Variants in PPP4R4 observed in about 807,000 individuals in gnomAD.
PPP4R4 encodes protein phosphatase 4 regulatory subunit 4.
In PPP4R4, 70 loss-of-function variants were observed where a neutral mutation model predicts 121.8. The observed-to-expected ratio is 0.57, with a 90% CI of 0.47 to 0.70. The LOEUF (loss-of-function observed/expected upper bound fraction) is 0.70, where lower values mean the gene tolerates loss of function less well. Ranked by LOEUF, PPP4R4 falls within the 30% of genes least tolerant of loss-of-function variation. The pLI, the probability that PPP4R4 is intolerant of heterozygous loss-of-function variation, is 0.00. For missense variants in PPP4R4, 875 were observed against 1,033.6 expected (o/e 0.85, Z 2.10); for synonymous variants, 348 against 355.7 (o/e 0.98, Z 0.24).
rs147765941 is a variant in PPP4R4, at chr14:94,265,823, C to G, written c.2314C>G (p.Arg772Gly). Residue 772 changes from arginine (R) to glycine (G), a missense_variant, in exon 22 of 25, where the codon CGA (arginine) becomes GGA (glycine). Arg to Gly is a moderately radical substitution (Grantham distance 125, BLOSUM62 -2). Coordinates refer to ENST00000304338, the MANE Select transcript of PPP4R4 (RefSeq NM_058237.2). ...SKEIKKSKLI[R>G]SQSFNNQAFH... ...AGAAATCAAGAAATCCAAACTGATT[C>G]GAAGCCAGTCTTTTAATAATCAAGC... is the stretch of plus-strand genomic sequence containing the variant. 13 of 1,608,576 alleles carry G rather than the reference C, an allele frequency of 8.1e-6. No homozygotes were observed. Among genetic ancestry groups the G allele is most frequent in the Non-Finnish European group, 1.1e-5 (13 of 1,176,478 alleles).
At chr14:94,207,851 A>C (rs1269954310) in intron 2 of PPP4R4, among the ~76,000 whole-genome samples, 1 of 151,888 alleles carries the variant, frequency 6.6e-6, no homozygotes, top group Non-Finnish European at 1.5e-5. Flanking sequence ...AGGCCACTAG[A>C]GTATTGCTGA....
intron 2 of PPP4R4, among the ~76,000 whole-genome samples, chr14:94,198,261 G>A (rs1156671840): frequency 2.0e-5 from 3 of 152,098 alleles, no homozygotes; most frequent in Non-Finnish European, 4.4e-5. Flanking sequence ...CATTGTGGTT[G>A]TAATGTAATT....
At chr14:94,261,835 A>G (rs950398945) in intron 19 of PPP4R4, among the ~76,000 whole-genome samples, 1 of 151,958 alleles carries the variant, frequency 6.6e-6, no homozygotes, top group Non-Finnish European at 1.5e-5. Context: ...CTGCTAATAT[A>G]CTGAATTACA....
intron 2 of PPP4R4, 113 bp downstream of exon 2, chr14:94,176,240 C>T: frequency 1.1e-6 from 1 of 886,680 alleles, no homozygotes; most frequent in Non-Finnish European, 1.9e-6. Flanking sequence ...GCCACTTGAA[C>T]AGAGTACTTT....
At chr14:94,218,454 C>G (rs1891166499) in intron 3 of PPP4R4, among the ~76,000 whole-genome samples, 1 of 114,774 alleles carries the variant, frequency 8.7e-6, no homozygotes, top group Non-Finnish European at 1.7e-5. Context: ...ACCCTCACCC[C>G]TAGACACCGC....
intron 2 of PPP4R4, among the ~76,000 whole-genome samples, chr14:94,202,325 C>A (rs920672213): frequency 6.6e-6 from 1 of 151,958 alleles, no homozygotes; most frequent in Non-Finnish European, 1.5e-5. Context: ...AGATACGAAT[C>A]TAAGAAAATG....
intron 23 of PPP4R4, among the ~76,000 whole-genome samples, chr14:94,270,917 CA>C (rs201555650): frequency 8.9e-5 from 12 of 135,452 alleles, no homozygotes; most frequent in South Asian, 2.4e-4. Context: ...GACTCCATCT[CA>C]AAAAAAAAAA....
chr14:94,180,913 AAAC>A (rs1429387492), intron 2 of PPP4R4, among the ~76,000 whole-genome samples: 1 of 152,140 alleles, frequency 6.6e-6, no homozygotes, highest in Admixed American at 6.5e-5. Flanking sequence ...CAGTGGAAAT[AAAC>A]AAGTGTTGTA....
Position 94,278,921 on chromosome 14 carries a change from A to G in PPP4R4, c.*278A>G, listed in dbSNP as rs1894790170. The G allele has an allele frequency of 4.4e-6, 1 of 226,530 alleles. No individual in the cohort carries two copies. The highest frequency in any genetic ancestry group is 2.3e-5 in the African/African-American group (1 of 44,116). The allele number at this position is 226,530 out of a possible 1,614,324, so 14.0% of individuals were successfully genotyped here. On this transcript the variant is annotated 3_prime_UTR_variant, in exon 25 of 25. Coordinates refer to ENST00000304338, the MANE Select transcript of PPP4R4 (RefSeq NM_058237.2). ...AGTGTAATGAAAAACATCTCTAGGA[A>G]TGTGCTTTAACCACTGCTGCAAAAG... is the stretch of plus-strand genomic sequence containing the variant.
chr14:94,231,337 ATAC>A (rs1395445743), intron 5 of PPP4R4, 22 bp downstream of exon 5: 1 of 1,567,284 alleles, frequency 6.4e-7, no homozygotes, highest in East Asian at 2.2e-5. Context: ...ATGGGGGCAA[ATAC>A]TAATAAGTAA....
Position 94,244,439 on chromosome 14 carries a change from C to T in PPP4R4, c.1267-196C>T, listed in dbSNP as rs181845781. On this transcript the variant is annotated intron_variant, in intron 11 of 24. Coordinates refer to ENST00000304338, the MANE Select transcript of PPP4R4 (RefSeq NM_058237.2). The stretch of plus-strand genomic sequence containing the variant: ...TCACCCCATGTGTGTCTGCACATTC[C>T]AGCATGTCACGAGGCAGACTAGAAA... Among the ~76,000 whole-genome samples, 250 of 152,260 alleles carry T rather than the reference C, an allele frequency of 1.6e-3. 1 individual carries two copies. Among genetic ancestry groups the T allele is most frequent in the African/African-American group, 5.6e-3 (232 of 41,568 alleles).
chr14:94,266,402 A>G (rs895777359), intron 22 of PPP4R4, among the ~76,000 whole-genome samples: 1 of 152,164 alleles, frequency 6.6e-6, no homozygotes, highest in African/African-American at 2.4e-5. Flanking sequence ...GAATCAATAT[A>G]AGTTAAATTA....
At chr14:94,221,367 A>T (rs1206853085) in intron 3 of PPP4R4, among the ~76,000 whole-genome samples, 1 of 152,140 alleles carries the variant, frequency 6.6e-6, no homozygotes, top group Non-Finnish European at 1.5e-5. Context: ...AATTTGATAA[A>T]TTAGATCTGT....
intron 19 of PPP4R4, among the ~76,000 whole-genome samples, chr14:94,263,240 AC>A (rs969244872): frequency 6.6e-6 from 1 of 152,004 alleles, no homozygotes; most frequent in African/African-American, 2.4e-5. Flanking sequence ...TTTCTGGGTC[AC>A]CAGTTGCACA....
rs188996857 is a variant in PPP4R4, at chr14:94,174,846, C to T, written c.117+264C>T. ...ACGGGTCCCTGCCCCAGCCCCGGACCGGCGCCAGCCCCGCGGCCCTTGCCC... is the reference window on the plus strand; with the variant it reads ...ACGGGTCCCTGCCCCAGCCCCGGACTGGCGCCAGCCCCGCGGCCCTTGCCC... On this transcript the variant is annotated intron_variant, in intron 1 of 24. Transcript: ENST00000304338. 6.4e-3 allele frequency among the ~76,000 whole-genome samples: 971 copies of T among 151,906 alleles called. 18 individuals carry two copies. Among genetic ancestry groups the T allele is most frequent in the African/African-American group, 0.022 (913 of 41,436 alleles).
intron 24 of PPP4R4, among the ~76,000 whole-genome samples, chr14:94,276,256 T>C (rs1051426466): frequency 2.0e-5 from 3 of 152,250 alleles, no homozygotes; most frequent in Non-Finnish European, 4.4e-5. Context: ...TTCTTTTAAA[T>C]GTATTTTAGT....
chr14:94,242,224 A>G (rs1892670602), intron 10 of PPP4R4, 65 bp from the exon 11 acceptor site: 11 of 1,512,066 alleles, frequency 7.3e-6, no homozygotes, highest in African/African-American at 2.8e-5. Context: ...AACGATTATA[A>G]TATTAGGTAT....
chr14:94,174,531 G>A lies in PPP4R4; in HGVS notation c.66G>A (p.Glu22=), dbSNP rs766222220. 3.1e-6 allele frequency: 5 copies of A among 1,612,476 alleles called. No homozygotes were observed. The South Asian group carries it at 3.3e-5, about 11-fold the overall frequency. ...FSQNSLFGYM[E]DLQELTIIER... ...AGAACAGCCTGTTCGGTTACATGGA[G>A]GACCTGCAGGAGCTCACCATCATCG... The change falls in exon 1 of 25, where the codon GAG becomes GAA. Residue 22 remains glutamate (E), a synonymous_variant. Transcript: ENST00000304338.
At chr14:94,213,954 G>A (rs1956168) in intron 3 of PPP4R4, among the ~76,000 whole-genome samples, 53,709 of 151,884 alleles carry the variant, frequency 0.35, 10,841 homozygotes, top group East Asian at 0.62. Context: ...ACCCCCTACC[G>A]TGTCCTTAAA....
Sources: allele counts gnomAD v4.1 joint callset (sites outside exome capture counted in the v4.1 genomes callset), GRCh38; gene constraint gnomAD v4.1.1; transcripts MANE v1.5; gene names NCBI Gene and HGNC (gene_info 2026-07-23, HGNC 2026-07-21).